Variants in UBE2E1 observed in about 807,000 individuals in gnomAD.
The protein encoded by UBE2E1 is ubiquitin conjugating enzyme E2 E1, also known as ubiquitin-conjugating enzyme E2 E1.
Under a neutral mutation model 21.4 loss-of-function variants are expected in UBE2E1, and 6 were observed. The ratio of observed to expected loss-of-function variants is 0.28; its 90% confidence interval spans 0.15 to 0.55. UBE2E1 has a LOEUF of 0.55. Among genes scored for constraint, UBE2E1 ranks in the 20% least tolerant of loss-of-function variants. The pLI, the probability that UBE2E1 is intolerant of heterozygous loss-of-function variation, is 0.93. For synonymous variants in UBE2E1, 87 were observed against 82.7 expected (o/e 1.05, Z -0.28); for missense variants, 142 against 236.5 (o/e 0.60, Z 2.62).
chr3:23,865,482 G>T (rs956111072), intron 3 of UBE2E1, among the ~76,000 whole-genome samples: 1 of 152,128 alleles, frequency 6.6e-6, no homozygotes, highest in Non-Finnish European at 1.5e-5. Context: ...AGCCTCCCGA[G>T]TAACTGCGAT....
At chr3:23,832,699 C>T (rs1176357738) in intron 3 of UBE2E1, among the ~76,000 whole-genome samples, 2 of 152,128 alleles carry the variant, frequency 1.3e-5, no homozygotes, top group African/African-American at 4.8e-5. Context: ...CTTGCCACTG[C>T]GCTCCAGCCT....
chr3:23,838,172 A>G (rs375005414), intron 3 of UBE2E1, among the ~76,000 whole-genome samples: 1 of 152,028 alleles, frequency 6.6e-6, no homozygotes, highest in Non-Finnish European at 1.5e-5. Flanking sequence ...GGCTCAAGTA[A>G]TCCTCCTACC....
intron 2 of UBE2E1, 79 bp from the exon 3 acceptor site, chr3:23,811,381 C>T (rs1344370947): frequency 3.6e-6 from 5 of 1,384,240 alleles, no homozygotes; most frequent in Non-Finnish European, 5.1e-6. Flanking sequence ...GGTTTATCTG[C>T]AGACCTGCAC....
chr3:23,864,828 G>C (rs1347562592), intron 3 of UBE2E1, among the ~76,000 whole-genome samples: 1 of 152,208 alleles, frequency 6.6e-6, no homozygotes. Context: ...CTGCCTGGAG[G>C]GCGAAGGCCG....
chr3:23,854,609 A>G (rs772823877), intron 3 of UBE2E1, among the ~76,000 whole-genome samples: 2 of 152,202 alleles, frequency 1.3e-5, no homozygotes, highest in Non-Finnish European at 2.9e-5. Context: ...AAAAGCCCTA[A>G]CTAATAAGCT....
At chr3:23,839,185 C>T (rs560194776) in intron 3 of UBE2E1, among the ~76,000 whole-genome samples, 40 of 152,020 alleles carry the variant, frequency 2.6e-4, no homozygotes, top group African/African-American at 8.7e-4. Context: ...ATAATTTAGC[C>T]GGGTGCGGTG....
chr3:23,885,244 T>A (rs2125329454), intron 3 of UBE2E1, among the ~76,000 whole-genome samples: 2 of 152,300 alleles, frequency 1.3e-5, no homozygotes, highest in South Asian at 4.1e-4. Context: ...TTCTACCCCC[T>A]AACCCAGTAC....
chr3:23,839,259 C>T (rs1303178341), intron 3 of UBE2E1, among the ~76,000 whole-genome samples: 6 of 151,822 alleles, frequency 4.0e-5, no homozygotes, highest in Admixed American at 2.6e-4. Flanking sequence ...GTCAGGAGAT[C>T]GAGACCATCC....
At chr3:23,878,765 G>C (rs1700974302) in intron 3 of UBE2E1, among the ~76,000 whole-genome samples, 1 of 152,220 alleles carries the variant, frequency 6.6e-6, no homozygotes, top group Non-Finnish European at 1.5e-5. Context: ...GGACTGTCTA[G>C]TTGCAGGAAA....
At chr3:23,873,766 C>A (rs187442539) in intron 3 of UBE2E1, among the ~76,000 whole-genome samples, 52 of 152,180 alleles carry the variant, frequency 3.4e-4, no homozygotes, top group African/African-American at 1.2e-3. Context: ...AATAAGAGAC[C>A]GGCAGGAGAG....
intron 3 of UBE2E1, among the ~76,000 whole-genome samples, chr3:23,872,058 G>A (rs1051407600): frequency 6.6e-6 from 1 of 152,166 alleles, no homozygotes; most frequent in East Asian, 1.9e-4. Flanking sequence ...CCGAGATCAC[G>A]CCACTGCGCT....
intron 3 of UBE2E1, among the ~76,000 whole-genome samples, chr3:23,873,959 A>C (rs1700859256): frequency 6.6e-6 from 1 of 152,008 alleles, no homozygotes; most frequent in Non-Finnish European, 1.5e-5. Flanking sequence ...CACAGTGAGC[A>C]AAAAATCACT....
intron 3 of UBE2E1, among the ~76,000 whole-genome samples, chr3:23,822,580 A>C (rs1197203444): frequency 1.3e-5 from 2 of 152,158 alleles, no homozygotes; most frequent in Non-Finnish European, 1.5e-5. Context: ...ACAAGTAAAT[A>C]GTGTCAGGTT....
intron 3 of UBE2E1, among the ~76,000 whole-genome samples, chr3:23,859,467 A>C (rs1307481119): frequency 2.6e-5 from 4 of 152,136 alleles, no homozygotes; most frequent in African/African-American, 9.7e-5. Context: ...TGGATGACCC[A>C]TATCTATCTG....
intron 3 of UBE2E1, among the ~76,000 whole-genome samples, chr3:23,875,160 A>T (rs1700889027): frequency 6.6e-6 from 1 of 152,180 alleles, no homozygotes; most frequent in Admixed American, 6.5e-5. Context: ...GATGTGCTGG[A>T]CTGTCCCTAG....
chr3:23,843,735 A>AC (rs1553637865), intron 3 of UBE2E1, among the ~76,000 whole-genome samples: 9 of 151,982 alleles, frequency 5.9e-5, no homozygotes, highest in African/African-American at 1.9e-4. Context: ...AGTTTGGACA[A>AC]TGACAATCCA....
intron 5 of UBE2E1, 105 bp downstream of exon 5, chr3:23,889,364 G>T: frequency 6.4e-7 from 1 of 1,566,402 alleles, no homozygotes; most frequent in Non-Finnish European, 8.6e-7. Flanking sequence ...ACAAGTTTGT[G>T]AATACAAAAA....
chr3:23,852,064 C>G (rs1700337627), intron 3 of UBE2E1, among the ~76,000 whole-genome samples: 1 of 152,200 alleles, frequency 6.6e-6, no homozygotes, highest in South Asian at 2.1e-4. Flanking sequence ...TGTCACATGC[C>G]TGCTCTCCCT....
intron 3 of UBE2E1, among the ~76,000 whole-genome samples, chr3:23,867,650 G>T (rs139381080): frequency 6.6e-6 from 1 of 152,180 alleles, no homozygotes; most frequent in Non-Finnish European, 1.5e-5. Context: ...GCATCCTGCT[G>T]TTGGAGTACA....
Sources: gnomAD v4.1 joint callset for allele counts (sites outside exome capture counted in the v4.1 genomes callset) on GRCh38, gnomAD v4.1.1 for gene constraint, MANE v1.5 for transcripts, NCBI Gene and HGNC (gene_info 2026-07-23, HGNC 2026-07-21) for gene names.